ALMS1: variants seen among roughly 807,000 people sequenced by gnomAD.
ALMS1 encodes the protein ALMS1 centrosome and basal body associated protein.
Under a neutral mutation model 352.2 loss-of-function variants are expected in ALMS1, and 271 were observed. The observed-to-expected ratio is 0.77, with a 90% CI of 0.70 to 0.85. The LOEUF (loss-of-function observed/expected upper bound fraction) is 0.85, where lower values mean the gene tolerates loss of function less well. Ranked by LOEUF, ALMS1 falls within the 40% of genes least tolerant of loss-of-function variation. The probability of loss-of-function intolerance (pLI) is 0.00; values close to 1 mark genes in which losing one functional copy is unlikely to be tolerated. For synonymous variants in ALMS1, 1,865 were observed against 1,761.2 expected (o/e 1.06, Z -1.48); for missense variants, 5,445 against 4,870.7 (o/e 1.12, Z -3.51).
intron 7 of ALMS1, among the ~76,000 whole-genome samples, chr2:73,446,792 C>A (rs1275544645): frequency 6.6e-6 from 1 of 152,090 alleles, no homozygotes; most frequent in East Asian, 1.9e-4. Context: ...TTGGGCATCC[C>A]TGGGGAGCTT....
intron 21 of ALMS1, among the ~76,000 whole-genome samples, chr2:73,604,792 G>C (rs1254641429): frequency 2.0e-5 from 3 of 152,124 alleles, no homozygotes; most frequent in African/African-American, 7.2e-5. Flanking sequence ...CTTTTTTGCT[G>C]TGTTGGCTAT....
At chr2:73,560,194 A>G (rs369211022) in intron 15 of ALMS1, among the ~76,000 whole-genome samples, 1 of 152,228 alleles carries the variant, frequency 6.6e-6, no homozygotes. Flanking sequence ...AGAAAAACCC[A>G]AACAACTTAT....
At chr2:73,512,596 A>G (rs1673475626) in intron 10 of ALMS1, among the ~76,000 whole-genome samples, 1 of 152,070 alleles carries the variant, frequency 6.6e-6, no homozygotes, top group Admixed American at 6.5e-5. Flanking sequence ...TATATTCTGG[A>G]TACAAATTCT....
At chr2:73,524,672 C>T (rs1170140008) in intron 11 of ALMS1, among the ~76,000 whole-genome samples, 4 of 152,036 alleles carry the variant, frequency 2.6e-5, no homozygotes, top group Non-Finnish European at 2.9e-5. Flanking sequence ...AGGCTGGTCT[C>T]GAACTCCTGA....
chr2:73,403,731 T>A (rs1465812632), intron 1 of ALMS1, among the ~76,000 whole-genome samples: 2 of 152,202 alleles, frequency 1.3e-5, no homozygotes, highest in Admixed American at 1.3e-4. Context: ...AGTAGACAGA[T>A]CTTTTGCCTT....
In ALMS1 at chr2:73,535,742, G is replaced by A. The variant is rs551711935; in HGVS notation, c.9907+793G>A. Among the ~76,000 whole-genome samples, 205 of 152,294 alleles carry A rather than the reference G, an allele frequency of 1.3e-3. 1 individual carries two copies. The highest frequency in any genetic ancestry group is 4.7e-3 in the African/African-American group (195 of 41,564). On this transcript the variant is annotated intron_variant, in intron 12 of 22. Coordinates refer to ENST00000613296, the MANE Select transcript of ALMS1 (RefSeq NM_001378454.1). ...TAAATATTTCCTATGGAGATTTTAAGTTAAGGGTGCAGAGTTAGTGTGGTG... is the reference window on the plus strand; with the variant it reads ...TAAATATTTCCTATGGAGATTTTAAATTAAGGGTGCAGAGTTAGTGTGGTG...
At chr2:73,563,232 T>A (rs974999569) in intron 15 of ALMS1, among the ~76,000 whole-genome samples, 17 of 152,180 alleles carry the variant, frequency 1.1e-4, no homozygotes, top group Non-Finnish European at 2.5e-4. Flanking sequence ...AAAAGAAATT[T>A]GGGGACATTA....
chr2:73,408,027 C>T (rs571098920), intron 1 of ALMS1, among the ~76,000 whole-genome samples: 1 of 151,952 alleles, frequency 6.6e-6, no homozygotes, highest in South Asian at 2.1e-4. Flanking sequence ...ATGGCATCTT[C>T]TTTAGAAGGA....
chr2:73,543,397 T>G (rs1674237295), intron 12 of ALMS1, among the ~76,000 whole-genome samples: 1 of 152,134 alleles, frequency 6.6e-6, no homozygotes, highest in Admixed American at 6.5e-5. Flanking sequence ...ATGTTAGACC[T>G]AAAACCATAA....
intron 12 of ALMS1, 45 bp from the exon 13 acceptor site, chr2:73,550,222 C>T (rs959503603): frequency 1.2e-6 from 2 of 1,608,048 alleles, no homozygotes; most frequent in Admixed American, 3.4e-5. Context: ...TTCTCAATCT[C>T]ATGTCGCTAT....
chr2:73,539,237 G>A (rs577151641), intron 12 of ALMS1, among the ~76,000 whole-genome samples: 186 of 152,332 alleles, frequency 1.2e-3, no homozygotes, highest in African/African-American at 4.3e-3. Flanking sequence ...AATATTCGCT[G>A]TTCTGCAGCC....
chr2:73,451,797 C>T lies in ALMS1; in HGVS notation c.5270C>T (p.Ser1757Phe). ...QKTGLSTVTS[S>F]FYSHTEKPNI... ...ACTGGGTTATCTACTGTAACTTCCT[C>T]TTTCTATTCACATACAGAGAAGCCT... Residue 1757 changes from serine (S) to phenylalanine (F), a missense_variant, in exon 8 of 23, where the codon TCT becomes TTT. Ser to Phe is a radical substitution (Grantham distance 155). Transcript: ENST00000613296. 1.2e-6 allele frequency: 2 copies of T among 1,613,852 alleles called. No individual in the cohort carries two copies. The highest frequency in any genetic ancestry group is 1.7e-5 in the Admixed American group (1 of 59,986).
intron 1 of ALMS1, among the ~76,000 whole-genome samples, chr2:73,402,302 C>T (rs1670889691): frequency 8.1e-6 from 1 of 124,212 alleles, no homozygotes; most frequent in Admixed American, 9.4e-5. Context: ...AAGACAGAAT[C>T]TCGCTCTGTT....
chr2:73,536,057 A>C (rs1674021545), intron 12 of ALMS1, among the ~76,000 whole-genome samples: 1 of 152,204 alleles, frequency 6.6e-6, no homozygotes. Flanking sequence ...TACTCACCAC[A>C]AGTTAAGATT....
At chr2:73,532,404 GT>G (rs1313541127) in intron 11 of ALMS1, among the ~76,000 whole-genome samples, 1 of 152,180 alleles carries the variant, frequency 6.6e-6, no homozygotes, top group African/African-American at 2.4e-5. Context: ...AGAAACCTTA[GT>G]GCTTTATTCT....
chr2:73,482,167 G>A lies in ALMS1; in HGVS notation c.7675-7467G>A, dbSNP rs566944615. ...CCCTGTCTTGTGCCGGTTTTCAAAG[G>A]GAATGCTTCCAGTTTTTGGGCATTC... On this transcript the variant is annotated intron_variant, in intron 9 of 22. Transcript: ENST00000613296. 6.6e-5 allele frequency among the ~76,000 whole-genome samples: 10 copies of A among 152,252 alleles called. No homozygotes were observed. The East Asian group carries it at 1.3e-3, about 21-fold the overall frequency.
At chr2:73,562,197 A>T (rs926427086) in intron 15 of ALMS1, among the ~76,000 whole-genome samples, 1 of 152,058 alleles carries the variant, frequency 6.6e-6, no homozygotes, top group South Asian at 2.1e-4. Flanking sequence ...ATGGAGTCTC[A>T]TTCTGTTGCC....
At chr2:73,509,400 T>C (rs1673403185) in intron 10 of ALMS1, among the ~76,000 whole-genome samples, 1 of 152,154 alleles carries the variant, frequency 6.6e-6, no homozygotes, top group South Asian at 2.1e-4. Flanking sequence ...CTGGTACTGG[T>C]TTTTCCTTGC....
rs193922691 is a variant in ALMS1 at position 73,600,893 on chromosome 2, A to G, written c.11872+12A>G. On this transcript the variant is annotated intron_variant, in intron 18 of 22. Transcript: ENST00000613296. ...GAATTCCCATGAAGGTCAGTTTCTC[A>G]TTCCAGATCTTGTAGTAGAGAAACT... 1 of 1,601,064 alleles carries G rather than the reference A, an allele frequency of 6.2e-7. No individual in the cohort carries two copies. Among genetic ancestry groups the G allele is most frequent in the Admixed American group, 1.7e-5 (1 of 59,922 alleles).
Sources: allele counts gnomAD v4.1 joint callset (sites outside exome capture counted in the v4.1 genomes callset), GRCh38; gene constraint gnomAD v4.1.1; transcripts MANE v1.5; gene names NCBI Gene and HGNC (gene_info 2026-07-23, HGNC 2026-07-21).